Variants in GLUD1 observed in about 807,000 individuals in gnomAD.
GLUD1 encodes glutamate dehydrogenase 1.
Under a neutral mutation model 56.0 loss-of-function variants are expected in GLUD1, and 22 were observed. That is an observed-to-expected ratio of 0.39 (90% CI 0.28 to 0.56). The LOEUF (loss-of-function observed/expected upper bound fraction) is 0.56, where lower values mean the gene tolerates loss of function less well. Ranked by LOEUF, GLUD1 falls within the 20% of genes least tolerant of loss-of-function variation. The pLI is 0.58. For synonymous variants in GLUD1, 223 were observed against 269.9 expected (o/e 0.83, Z 1.70); for missense variants, 451 against 732.0 (o/e 0.62, Z 4.43).
At chr10:87,052,813 C>G (rs975909670) in intron 12 of GLUD1, among the ~76,000 whole-genome samples, 2 of 151,466 alleles carry the variant, frequency 1.3e-5, no homozygotes, top group Non-Finnish European at 2.9e-5. Context: ...CTATCTCGAT[C>G]AAAAATTAAC....
intron 1 of GLUD1, among the ~76,000 whole-genome samples, chr10:87,091,385 T>C (rs1346930463): frequency 1.3e-5 from 2 of 152,200 alleles, no homozygotes; most frequent in African/African-American, 4.8e-5. Flanking sequence ...GGCAGAACCA[T>C]AGCAAATGAA....
chr10:87,057,656 T>C (rs778517853), intron 11 of GLUD1, 35 bp downstream of exon 11: 2 of 1,002,360 alleles, frequency 2.0e-6, no homozygotes, highest in South Asian at 1.3e-5. Context: ...GCAGGGAGCA[T>C]GTGTGAAGTA....
rs568170975 is a variant in GLUD1 at position 87,065,064 on chromosome 10, G to C, written c.742-2229C>G. The stretch of plus-strand genomic sequence containing the variant: ...TCTTATCACTTAAAGAGGGAAAACT[G>C]TTCACCAGTATAGTTGCTTCACCTG... On this transcript the variant is annotated intron_variant, in intron 5 of 12. Transcript: ENST00000277865. Among the ~76,000 whole-genome samples, 3 of 152,150 alleles carry C rather than the reference G, an allele frequency of 2.0e-5. No homozygotes were observed. The South Asian group carries it at 6.2e-4, about 32-fold the overall frequency.
At chr10:87,076,113 TGCTTTAA>T (rs1211929747) in intron 2 of GLUD1, 90 bp from the exon 3 acceptor site, 9 of 888,056 alleles carry the variant, frequency 1.0e-5, no homozygotes, top group Non-Finnish European at 1.5e-5. Context: ...AGAAACGTGA[TGCTTTAA>T]GCTTGAATTT....
intron 11 of GLUD1, among the ~76,000 whole-genome samples, chr10:87,057,292 T>C (rs949227106): frequency 2.0e-5 from 3 of 152,066 alleles, no homozygotes; most frequent in African/African-American, 4.8e-5. Context: ...TGGCCTCTTG[T>C]TTCTTTCTTT....
intron 1 of GLUD1, among the ~76,000 whole-genome samples, chr10:87,081,946 CAAAAAAAAAAAAA>C (rs71019464): frequency 1.2e-5 from 1 of 85,668 alleles, no homozygotes; most frequent in Non-Finnish European, 2.5e-5. Context: ...ATGATCAATA[CAAAAAAAAAAAAA>C]AAAAGAAAAA....
chr10:87,080,819 C>A (rs1481273858), intron 1 of GLUD1, among the ~76,000 whole-genome samples: 1 of 151,474 alleles, frequency 6.6e-6, no homozygotes, highest in Non-Finnish European at 1.5e-5. Flanking sequence ...CCTCTCCGCC[C>A]GGCAGCCGAC....
intron 4 of GLUD1, among the ~76,000 whole-genome samples, chr10:87,070,993 G>A (rs1418604301): frequency 3.3e-5 from 5 of 151,628 alleles, no homozygotes; most frequent in Admixed American, 3.3e-4. Context: ...GCCGGGCGTG[G>A]TGGCGGGCGC....
chr10:87,072,106 C>G (rs1435940197), intron 4 of GLUD1, among the ~76,000 whole-genome samples: 1 of 152,050 alleles, frequency 6.6e-6, no homozygotes, highest in Non-Finnish European at 1.5e-5. Context: ...GACCGTGTCT[C>G]CACAAAAAAT....
At chr10:87,093,406 G>T (rs928087449) in intron 1 of GLUD1, among the ~76,000 whole-genome samples, 1 of 152,006 alleles carries the variant, frequency 6.6e-6, no homozygotes, top group South Asian at 2.1e-4. Flanking sequence ...GTATTGGGGG[G>T]AAAAAAGCTC....
intron 3 of GLUD1, among the ~76,000 whole-genome samples, chr10:87,075,643 C>A (rs543746487): frequency 6.6e-6 from 1 of 152,094 alleles, no homozygotes; most frequent in African/African-American, 2.4e-5. Context: ...ACTTTGAGGC[C>A]GGGTGCGGTG....
At chr10:87,062,975 G>A (rs889615184) in intron 5 of GLUD1, 140 bp from the exon 6 acceptor site, 3 of 773,386 alleles carry the variant, frequency 3.9e-6, no homozygotes, top group African/African-American at 3.5e-5. Flanking sequence ...TGTATTTAAG[G>A]TATACTTTTA....
chr10:87,078,533 A>G (rs1197449084), intron 1 of GLUD1, among the ~76,000 whole-genome samples: 1 of 152,222 alleles, frequency 6.6e-6, no homozygotes, highest in Non-Finnish European at 1.5e-5. Context: ...CACTGCTTTA[A>G]TTCCTGGTTC....
chr10:87,064,608 T>A (rs558052845), intron 5 of GLUD1, among the ~76,000 whole-genome samples: 1 of 152,318 alleles, frequency 6.6e-6, no homozygotes, highest in African/African-American at 2.4e-5. Flanking sequence ...ATCTGTATTG[T>A]TTAAATATTT....
intron 1 of GLUD1, among the ~76,000 whole-genome samples, chr10:87,085,702 G>C (rs1841366367): frequency 6.6e-6 from 1 of 152,140 alleles, no homozygotes; most frequent in African/African-American, 2.4e-5. Flanking sequence ...TCTCCTTAGG[G>C]GTGACTATTC....
chr10:87,060,326 C>T, intron 8 of GLUD1, 85 bp from the exon 9 acceptor site: 2 of 904,992 alleles, frequency 2.2e-6, no homozygotes, highest in African/African-American at 1.6e-5. Flanking sequence ...CATATATGAA[C>T]AAGGGGCTGT....
chr10:87,085,676 C>G (rs1442447643), intron 1 of GLUD1, among the ~76,000 whole-genome samples: 1 of 152,186 alleles, frequency 6.6e-6, no homozygotes, highest in Non-Finnish European at 1.5e-5. Flanking sequence ...TTGACTTCCA[C>G]TTATGACCCC....
At chr10:87,058,459 TG>T (rs1564763969) in intron 10 of GLUD1, among the ~76,000 whole-genome samples, 1 of 152,210 alleles carries the variant, frequency 6.6e-6, no homozygotes, top group Admixed American at 6.5e-5. Context: ...CTCTTAACTG[TG>T]GAGCTTACTC....
At chr10:87,062,352 A>C (rs2133799581) in intron 6 of GLUD1, among the ~76,000 whole-genome samples, 1 of 152,368 alleles carries the variant, frequency 6.6e-6, no homozygotes, top group Non-Finnish European at 1.5e-5. Context: ...TTATGTTAAG[A>C]GACTTGCCCT....
Sources: gnomAD v4.1 joint callset for allele counts (sites outside exome capture counted in the v4.1 genomes callset) on GRCh38, gnomAD v4.1.1 for gene constraint, MANE v1.5 for transcripts, NCBI Gene and HGNC (gene_info 2026-07-23, HGNC 2026-07-21) for gene names.